RREB1: variants seen among roughly 807,000 people sequenced by gnomAD.
RREB1 encodes the protein ras responsive element binding protein 1, also known as ras-responsive element-binding protein 1.
RREB1 carries 27 observed loss-of-function variants against 117.8 expected under a neutral mutation model. The ratio of observed to expected loss-of-function variants is 0.23; its 90% CI spans 0.17 to 0.32. RREB1 has a LOEUF of 0.32. Ranked by LOEUF, RREB1 falls within the 10% of genes least tolerant of loss-of-function variation. RREB1 has a pLI of 1.00. For missense variants in RREB1, 2,577 were observed against 2,378.2 expected (o/e 1.08, Z -1.74); for synonymous variants, 1,298 against 1,026.7 (o/e 1.26, Z -5.05).
chr6:7,223,243 C>A (rs1767370049), intron 8 of RREB1, among the ~76,000 whole-genome samples: 1 of 124,496 alleles, frequency 8.0e-6, no homozygotes, highest in African/African-American at 3.2e-5. Context: ...GGCGACAGAG[C>A]AAGACTCTCT....
At chr6:7,138,712 T>G (rs577981542) in intron 1 of RREB1, among the ~76,000 whole-genome samples, 1 of 152,364 alleles carries the variant, frequency 6.6e-6, no homozygotes, top group South Asian at 2.1e-4. Context: ...GTATACACAT[T>G]TAAAAATCAA....
At position 7,108,047 on chromosome 6, in the gene RREB1, C is replaced by G. The variant is rs1259321416; in HGVS notation, c.-298C>G. 2 of 152,304 alleles carry G rather than the reference C, an allele frequency of 1.3e-5. No individual in the cohort carries two copies. Among genetic ancestry groups the G allele is most frequent in the Non-Finnish European group, 2.9e-5 (2 of 68,092 alleles). 9.4% of individuals were successfully genotyped at this position (152,304 alleles called of 1,614,324 possible). On this transcript the variant is annotated 5_prime_UTR_variant, in exon 1 of 13. Coordinates refer to ENST00000379938, the MANE Select transcript of RREB1 (RefSeq NM_001003699.4). ...CAACGCATCATGCCAGGGAGCCAAGCGTCCTGCCCGGCCGTAAGTACGTGC... is the reference window on the plus strand; with the variant it reads ...CAACGCATCATGCCAGGGAGCCAAGGGTCCTGCCCGGCCGTAAGTACGTGC...
chr6:7,246,792 C>T lies in RREB1; in HGVS notation c.4342C>T (p.Leu1448Phe). ...AGGAASQEQK[L>F]ACDTCGKSFK... ...GGGCGCGGCCTCGCAGGAGCAGAAG[C>T]TCGCCTGCGACACCTGTGGGAAGAG... Residue 1448 changes from leucine (L) to phenylalanine (F), a missense_variant, in exon 12 of 13, where the codon CTC becomes TTC. Transcript: ENST00000379938. The T allele has an allele frequency of 6.4e-7, 1 of 1,551,612 alleles. No individual in the cohort carries two copies. Among genetic ancestry groups the T allele is most frequent in the Non-Finnish European group, 8.7e-7 (1 of 1,148,750 alleles).
Position 7,181,968 on chromosome 6 carries a change from C to T in RREB1, c.57C>T (p.Thr19=). The change falls in exon 4 of 13, where the codon ACC becomes ACT. Residue 19 remains threonine, a synonymous_variant. Coordinates refer to ENST00000379938, the MANE Select transcript of RREB1 (RefSeq NM_001003699.4). The part of the protein sequence containing the change: ...LEGSDLSSIN[T]MMSAVMSVGK... ...GTTCAGACCTATCTTCCATCAACAC[C>T]ATGATGTCGGCGGTCATGAGTGTAG... 3 of 1,614,192 alleles carry T rather than the reference C, an allele frequency of 1.9e-6. No homozygotes were observed. Among genetic ancestry groups the T allele is most frequent in the Non-Finnish European group, 2.5e-6 (3 of 1,179,998 alleles).
Position 7,194,524 on chromosome 6 carries a change from G to C in RREB1, c.425+5202G>C, listed in dbSNP as rs138243054. ...CGAGATCTTGCCACTGCACTCCAGC[G>C]TGGGGAACAGAAGAAAAGCAGGCCT... On this transcript the variant is annotated intron_variant, in intron 6 of 12. Coordinates refer to ENST00000379938, the MANE Select transcript of RREB1 (RefSeq NM_001003699.4). Among the ~76,000 whole-genome samples the C allele has an allele frequency of 8.8e-3, 1,344 of 152,270 alleles. 22 individuals are homozygous for C. Among genetic ancestry groups the C allele is most frequent in the African/African-American group, 0.03 (1,254 of 41,552 alleles).
At position 7,230,734 on chromosome 6, in the gene RREB1, C is replaced by G. The variant is rs781214361; in HGVS notation, c.2635C>G (p.Pro879Ala). 1 of 1,603,420 alleles carries G rather than the reference C, an allele frequency of 6.2e-7. No individual in the cohort carries two copies. The highest frequency in any genetic ancestry group is 1.1e-5 in the South Asian group (1 of 89,662). The change falls in exon 10 of 13, where the codon CCT (proline) becomes GCT (alanine). Residue 879 changes from proline to alanine, a missense_variant. Coordinates refer to ENST00000379938, the MANE Select transcript of RREB1 (RefSeq NM_001003699.4). The part of the protein sequence containing the change: ...FLHRGPTQPP[P>A]PHVSIKLEPA... ...TCACAGGGGCCCCACCCAGCCTCCA[C>G]CTCCCCATGTCTCGATCAAGTTGGA...
intron 12 of RREB1, among the ~76,000 whole-genome samples, 188 bp from the exon 13 acceptor site, chr6:7,248,323 G>A (rs1014452899): frequency 6.6e-6 from 1 of 152,202 alleles, no homozygotes; most frequent in Non-Finnish European, 1.5e-5. Flanking sequence ...CAGACTGACA[G>A]CTTGAACCAG....
chr6:7,233,526 T>C (rs144569133), intron 10 of RREB1, among the ~76,000 whole-genome samples: 1 of 152,362 alleles, frequency 6.6e-6, no homozygotes, highest in East Asian at 1.9e-4. Context: ...GAATTTCAGA[T>C]AGACAACAAA....
At chr6:7,155,547 G>A (rs1194220943) in intron 1 of RREB1, among the ~76,000 whole-genome samples, 2 of 152,218 alleles carry the variant, frequency 1.3e-5, no homozygotes, top group Non-Finnish European at 2.9e-5. Context: ...CTGACCTCAG[G>A]TGATTGGCCT....
Position 7,189,147 on chromosome 6 carries a change from T to G in RREB1, c.262-12T>G, listed in dbSNP as rs1765263665. ...TTTCTTAAGTGACCGCTGTGACCAT[T>G]GCTTTCTGCAGCACAACACAGACAC... is the stretch of plus-strand genomic sequence containing the variant. On this transcript the variant is annotated splice_polypyrimidine_tract_variant and intron_variant, in intron 5 of 12. Transcript: ENST00000379938. 6.2e-7 allele frequency: 1 copy of G among 1,610,238 alleles called. No individual in the cohort carries two copies. Among genetic ancestry groups the G allele is most frequent in the South Asian group, 1.1e-5 (1 of 90,840 alleles).
At chr6:7,223,367 G>A (rs943486883) in intron 8 of RREB1, among the ~76,000 whole-genome samples, 1 of 151,466 alleles carries the variant, frequency 6.6e-6, no homozygotes, top group Non-Finnish European at 1.5e-5. Flanking sequence ...TTCAAGGCCA[G>A]CCTGGCCAAC....
Position 7,246,671 on chromosome 6 carries a change from A to G in RREB1, c.4221A>G (p.Glu1407=). ...EESTGDADGA[E]EDASSNQSLD... Reference sequence around the variant, plus strand: ...GCACTGGGGACGCCGACGGCGCGGAAGAGGACGCGTCGAGCAACCAGAGCC... The same window carrying G: ...GCACTGGGGACGCCGACGGCGCGGAGGAGGACGCGTCGAGCAACCAGAGCC... Residue 1407 remains glutamate (E), a synonymous_variant, in exon 12 of 13, where the codon GAA becomes GAG. Transcript: ENST00000379938. The G allele has an allele frequency of 6.3e-7, 1 of 1,581,660 alleles. No individual in the cohort carries two copies. Among genetic ancestry groups the G allele is most frequent in the South Asian group, 1.2e-5 (1 of 86,458 alleles).
intron 1 of RREB1, among the ~76,000 whole-genome samples, chr6:7,114,475 G>C (rs1013271331): frequency 6.6e-6 from 1 of 152,020 alleles, no homozygotes; most frequent in South Asian, 2.1e-4. Context: ...TGGTGGGGGG[G>C]GGGGCGGCAG....
intron 1 of RREB1, among the ~76,000 whole-genome samples, chr6:7,112,615 T>C (rs1244053812): frequency 6.6e-6 from 1 of 152,146 alleles, no homozygotes; most frequent in Non-Finnish European, 1.5e-5. Flanking sequence ...AGGTACACCG[T>C]ATGAAACCCA....
Position 7,168,454 on chromosome 6 carries a change from C to T in RREB1, c.-284-8201C>T, listed in dbSNP as rs533791376. ...TCTAACCTGGTCTCCCACCCATTGC[C>T]GGACTGGGGTTTTTTGTTTGCTTTT... On this transcript the variant is annotated intron_variant, in intron 1 of 12. Coordinates refer to ENST00000379938, the MANE Select transcript of RREB1 (RefSeq NM_001003699.4). Among the ~76,000 whole-genome samples, 24 of 152,232 alleles carry T rather than the reference C, an allele frequency of 1.6e-4. No individual in the cohort carries two copies. The South Asian group carries it at 4.4e-3, about 28-fold the overall frequency.
rs769495785 is a variant in RREB1 at position 7,248,803 on chromosome 6, G to A, written c.5064G>A (p.Glu1688=). Residue 1688 remains glutamate, a synonymous_variant, in exon 13 of 13, where the codon GAG becomes GAA. Coordinates refer to ENST00000379938, the MANE Select transcript of RREB1 (RefSeq NM_001003699.4). ...CCACCAAGGACTGCAGCCACAGGGA[G>A]GAGAAGGTCACGGCAGGGTGGCCGT... ...ASATKDCSHR[E]EKVTAGWPSE... 15 of 1,613,850 alleles carry A rather than the reference G, an allele frequency of 9.3e-6. No individual in the cohort carries two copies. The highest frequency in any genetic ancestry group is 1.6e-4 in the Middle Eastern group (1 of 6,078).
chr6:7,232,781 T>TA (rs397762937), intron 10 of RREB1, among the ~76,000 whole-genome samples: 8 of 150,388 alleles, frequency 5.3e-5, no homozygotes, highest in African/African-American at 7.3e-5. Context: ...TTTTTTTTTT[T>TA]AAATAAAAGA....
In RREB1 at chr6:7,246,602, T is replaced by C. The variant is rs1414878272; in HGVS notation, c.4152T>C (p.Arg1384=). The C allele has an allele frequency of 5.8e-6, 9 of 1,557,456 alleles. No individual in the cohort carries two copies. Among genetic ancestry groups the C allele is most frequent in the Non-Finnish European group, 7.8e-6 (9 of 1,151,378 alleles). ...CGGTGCACCGGGAAGAGCACGGGCG[T>C]GGGGAGAGCCATGAGCCGGAGGAGG... ...ASPVHREEHG[R]GESHEPEEEH... The change falls in exon 12 of 13, where the codon CGT becomes CGC. Residue 1384 remains arginine, a synonymous_variant. Coordinates refer to ENST00000379938, the MANE Select transcript of RREB1 (RefSeq NM_001003699.4).
chr6:7,112,614 G>A (rs896313292), intron 1 of RREB1, among the ~76,000 whole-genome samples: 4 of 152,120 alleles, frequency 2.6e-5, no homozygotes, highest in Non-Finnish European at 4.4e-5. Flanking sequence ...AAGGTACACC[G>A]TATGAAACCC....
Sources: allele counts gnomAD v4.1 joint callset (sites outside exome capture counted in the v4.1 genomes callset), GRCh38; gene constraint gnomAD v4.1.1; transcripts MANE v1.5; gene names NCBI Gene and HGNC (gene_info 2026-07-23, HGNC 2026-07-21).